CHST15: variants seen among roughly 807,000 people sequenced by gnomAD.
CHST15 encodes B cell RAG associated protein (GALNAC4S-6ST).
CHST15 carries 30 observed loss-of-function variants against 53.6 expected under a neutral mutation model. The observed-to-expected ratio is 0.56, with a 90% CI of 0.42 to 0.76. The LOEUF is 0.76. CHST15 is among the 30% of genes least tolerant of loss of function. CHST15 has a pLI of 0.00. For missense variants in CHST15, 627 were observed against 740.5 expected (o/e 0.85, Z 1.78); for synonymous variants, 296 against 289.8 (o/e 1.02, Z -0.22).
At chr10:124,022,254 G>A (rs1946815983) in intron 5 of CHST15, among the ~76,000 whole-genome samples, 2 of 152,186 alleles carry the variant, frequency 1.3e-5, no homozygotes, top group African/African-American at 4.8e-5. Flanking sequence ...GCCCCCACAG[G>A]CCAGAACAGA....
At chr10:124,016,215 C>T (rs148123336) in intron 6 of CHST15, among the ~76,000 whole-genome samples, 1,727 of 152,186 alleles carry the variant, frequency 0.011, 23 homozygotes, top group African/African-American at 0.036. Context: ...GCTGCCCCTG[C>T]ATCCGGGTGC....
At chr10:124,021,448 T>C (rs376881172) in intron 5 of CHST15, 36 bp from the exon 6 acceptor site, 12 of 1,580,390 alleles carry the variant, frequency 7.6e-6, no homozygotes, top group Middle Eastern at 1.7e-4. Flanking sequence ...TTACCACCCA[T>C]GAACATGCAA....
At chr10:124,083,287 A>T (rs1281142527) in intron 1 of CHST15, among the ~76,000 whole-genome samples, 1 of 152,206 alleles carries the variant, frequency 6.6e-6, no homozygotes, top group Non-Finnish European at 1.5e-5. Flanking sequence ...CAACCAAAAA[A>T]ACTGCTGACT....
chr10:124,091,065 T>C (rs1161513028), intron 1 of CHST15, among the ~76,000 whole-genome samples: 1 of 152,220 alleles, frequency 6.6e-6, no homozygotes, highest in Non-Finnish European at 1.5e-5. Flanking sequence ...CAAGCCACTT[T>C]ACCTCACCAG....
chr10:124,028,690 C>T (rs1015951707), intron 5 of CHST15, among the ~76,000 whole-genome samples: 19 of 152,360 alleles, frequency 1.2e-4, no homozygotes, highest in African/African-American at 4.6e-4. Context: ...GCTTCAATCT[C>T]AGCTTCAGCT....
chr10:124,043,395 A>G (rs1035412421), intron 3 of CHST15, among the ~76,000 whole-genome samples: 5 of 152,248 alleles, frequency 3.3e-5, no homozygotes, highest in African/African-American at 1.2e-4. Context: ...ACCACAAAAG[A>G]AACATTTACA....
chr10:124,056,995 G>A (rs1480977693), intron 1 of CHST15, among the ~76,000 whole-genome samples: 2 of 152,338 alleles, frequency 1.3e-5, no homozygotes, highest in Non-Finnish European at 2.9e-5. Context: ...CTGTATGACC[G>A]GACACGCTGC....
In CHST15 at chr10:124,008,352, C is replaced by T; in HGVS notation, c.*1797G>A. Reference sequence around the variant, plus strand: ...TCACCCACACGTGCGCGTACACACACACACACGCGCGCACTGTACTGCAAA... The same window carrying T: ...TCACCCACACGTGCGCGTACACACATACACACGCGCGCACTGTACTGCAAA... On this transcript the variant is annotated 3_prime_UTR_variant, in exon 8 of 8. Transcript: ENST00000435907. The T allele has an allele frequency of 9.5e-7, 1 of 1,048,274 alleles. No individual in the cohort carries two copies. Among genetic ancestry groups the T allele is most frequent in the Non-Finnish European group, 1.1e-6 (1 of 871,678 alleles). 64.9% of individuals were successfully genotyped at this position (1,048,274 alleles called of 1,614,324 possible). A position where few individuals can be genotyped will look rare whatever the true frequency, so the allele number is the denominator to read the frequency against.
chr10:124,050,287 G>C (rs1215812244), intron 1 of CHST15, among the ~76,000 whole-genome samples: 3 of 152,160 alleles, frequency 2.0e-5, no homozygotes, highest in Admixed American at 1.3e-4. Context: ...TGGAGCTTCT[G>C]TCCCACCAGG....
At chr10:124,059,420 A>G (rs752766997) in intron 1 of CHST15, among the ~76,000 whole-genome samples, 1 of 152,172 alleles carries the variant, frequency 6.6e-6, no homozygotes, top group Non-Finnish European at 1.5e-5. Context: ...AGATAGAGAA[A>G]TGAATGAAAA....
At chr10:124,073,394 T>C (rs750160617) in intron 1 of CHST15, among the ~76,000 whole-genome samples, 10 of 152,120 alleles carry the variant, frequency 6.6e-5, no homozygotes, top group Non-Finnish European at 1.3e-4. Flanking sequence ...AGGATAGCAA[T>C]TTCCCTTGCA....
At chr10:124,083,626 T>C (rs2134228372) in intron 1 of CHST15, among the ~76,000 whole-genome samples, 1 of 152,268 alleles carries the variant, frequency 6.6e-6, no homozygotes, top group South Asian at 2.1e-4. Context: ...TGGGTATAAA[T>C]AGCTTTTCAA....
At chr10:124,075,652 A>G (rs1033601516) in intron 1 of CHST15, among the ~76,000 whole-genome samples, 1 of 152,166 alleles carries the variant, frequency 6.6e-6, no homozygotes, top group Non-Finnish European at 1.5e-5. Flanking sequence ...AGTAACTTTA[A>G]TGCTCATTCA....
intron 6 of CHST15, among the ~76,000 whole-genome samples, chr10:124,014,998 C>T (rs369403149): frequency 2.6e-4 from 39 of 152,120 alleles, no homozygotes; most frequent in African/African-American, 8.2e-4. Flanking sequence ...GGCCTCCTGG[C>T]GCTCGGCTGC....
At chr10:124,079,117 C>A (rs1475539392) in intron 1 of CHST15, among the ~76,000 whole-genome samples, 1 of 150,494 alleles carries the variant, frequency 6.6e-6, no homozygotes, top group Non-Finnish European at 1.5e-5. Flanking sequence ...CTAAACCAAA[C>A]TACTCAGAAA....
intron 6 of CHST15, chr10:124,020,397 C>T (rs1946731556): frequency 1.0e-6 from 1 of 985,512 alleles, no homozygotes; most frequent in Non-Finnish European, 1.2e-6. Context: ...GTGGCATCTT[C>T]CTTGCCAAAC....
intron 1 of CHST15, among the ~76,000 whole-genome samples, chr10:124,056,833 G>A (rs1048297716): frequency 6.6e-6 from 1 of 152,084 alleles, no homozygotes; most frequent in Non-Finnish European, 1.5e-5. Context: ...AGGCCTATAC[G>A]ACCGGACACA....
chr10:124,087,078 G>A (rs897385765), intron 1 of CHST15, among the ~76,000 whole-genome samples: 3 of 152,214 alleles, frequency 2.0e-5, no homozygotes, highest in Admixed American at 6.5e-5. Context: ...GCTGCCAGGG[G>A]TTACAAAAGG....
chr10:124,088,120 C>T (rs1006471844), intron 1 of CHST15, among the ~76,000 whole-genome samples: 42 of 152,374 alleles, frequency 2.8e-4, no homozygotes, highest in African/African-American at 9.6e-4. Flanking sequence ...TTACTGAGCA[C>T]TTACTGGATG....
Sources: gnomAD v4.1 joint callset for allele counts (sites outside exome capture counted in the v4.1 genomes callset) on GRCh38, gnomAD v4.1.1 for gene constraint, MANE v1.5 for transcripts, NCBI Gene and HGNC (gene_info 2026-07-23, HGNC 2026-07-21) for gene names.